BMPR1B: variants seen among roughly 807,000 people sequenced by gnomAD.
BMPR1B encodes bone morphogenetic protein receptor type-1B.
A neutral mutation model predicts 59.1 loss-of-function variants in BMPR1B; 12 were observed. The ratio of observed to expected loss-of-function variants is 0.20; its 90% CI spans 0.13 to 0.33. The LOEUF is 0.33. Among genes scored for constraint, BMPR1B ranks in the 10% least tolerant of loss-of-function variants. The pLI is 1.00. For synonymous variants in BMPR1B, 237 were observed against 207.3 expected (o/e 1.14, Z -1.23); for missense variants, 550 against 610.9 (o/e 0.90, Z 1.05).
intron 2 of BMPR1B, among the ~76,000 whole-genome samples, chr4:94,888,224 C>T (rs544492130): frequency 9.2e-5 from 14 of 151,922 alleles, no homozygotes; most frequent in Non-Finnish European, 1.6e-4. Context: ...TCAATTCTTC[C>T]TGAGGAATCT....
intron 4 of BMPR1B, among the ~76,000 whole-genome samples, chr4:95,114,222 G>GTA (rs1731839089): frequency 1.3e-5 from 2 of 152,112 alleles, no homozygotes; most frequent in South Asian, 4.1e-4. Flanking sequence ...AGCAAGAACA[G>GTA]TATAAACAGT....
chr4:94,928,119 A>G (rs949201254), intron 2 of BMPR1B, among the ~76,000 whole-genome samples: 2 of 151,752 alleles, frequency 1.3e-5, no homozygotes, highest in African/African-American at 4.8e-5. Flanking sequence ...AAATGATTAA[A>G]TATGTGTATG....
chr4:94,865,530 A>G (rs1201654172), intron 1 of BMPR1B, among the ~76,000 whole-genome samples: 1 of 152,030 alleles, frequency 6.6e-6, no homozygotes, highest in Non-Finnish European at 1.5e-5. Context: ...AGCTGGAATT[A>G]CAGGCGCTCG....
intron 3 of BMPR1B, among the ~76,000 whole-genome samples, chr4:95,011,304 T>A (rs576230522): frequency 2.0e-5 from 3 of 152,320 alleles, no homozygotes; most frequent in Admixed American, 2.0e-4. Flanking sequence ...CTCCCGCTTA[T>A]AAGTGAGAAC....
intron 2 of BMPR1B, among the ~76,000 whole-genome samples, chr4:94,888,876 T>C (rs1048968029): frequency 4.6e-5 from 7 of 152,090 alleles, no homozygotes; most frequent in African/African-American, 1.7e-4. Flanking sequence ...CATAATGATA[T>C]ATCTCCAAGG....
intron 2 of BMPR1B, among the ~76,000 whole-genome samples, chr4:94,883,934 C>T (rs947230992): frequency 1.3e-5 from 2 of 152,128 alleles, no homozygotes; most frequent in African/African-American, 2.4e-5. Flanking sequence ...CTCAATTCCA[C>T]CCCTAGCTAG....
At chr4:95,018,038 A>G (rs1214800513) in intron 3 of BMPR1B, among the ~76,000 whole-genome samples, 3 of 152,212 alleles carry the variant, frequency 2.0e-5, no homozygotes, top group African/African-American at 7.2e-5. Flanking sequence ...AGAAGCGATA[A>G]TACTATCTTT....
chr4:94,804,981 TAGCC>T (rs1342946648), intron 1 of BMPR1B, among the ~76,000 whole-genome samples: 2 of 152,190 alleles, frequency 1.3e-5, no homozygotes, highest in Non-Finnish European at 2.9e-5. Context: ...TAGACAGAAA[TAGCC>T]AGGATGTACA....
intron 2 of BMPR1B, among the ~76,000 whole-genome samples, chr4:94,879,792 G>A (rs1224950071): frequency 1.3e-5 from 2 of 151,788 alleles, no homozygotes; most frequent in South Asian, 2.1e-4. Context: ...TCATTAAATT[G>A]GTGTGCATAT....
At chr4:94,758,612 G>C (rs1002939508) in intron 1 of BMPR1B, among the ~76,000 whole-genome samples, 1 of 152,128 alleles carries the variant, frequency 6.6e-6, no homozygotes, top group Non-Finnish European at 1.5e-5. Context: ...CTTGCCGTGG[G>C]GGAAAGTGCG....
intron 3 of BMPR1B, among the ~76,000 whole-genome samples, chr4:95,085,960 T>C (rs557813173): frequency 1.3e-5 from 2 of 151,290 alleles, no homozygotes; most frequent in African/African-American, 2.4e-5. Flanking sequence ...CTGTTGACCC[T>C]CACTGTGGAC....
At chr4:94,988,146 A>G (rs971899392) in intron 2 of BMPR1B, among the ~76,000 whole-genome samples, 1 of 152,098 alleles carries the variant, frequency 6.6e-6, no homozygotes, top group Admixed American at 6.5e-5. Flanking sequence ...AATGCTTGAA[A>G]TTATATTGCG....
chr4:95,069,966 G>A (rs549199603), intron 3 of BMPR1B, among the ~76,000 whole-genome samples: 196 of 152,304 alleles, frequency 1.3e-3, no homozygotes, highest in African/African-American at 4.4e-3. Flanking sequence ...GGGCATGGTG[G>A]CACATGCCTG....
chr4:95,119,681 C>G lies in BMPR1B; in HGVS notation c.349+3894C>G, dbSNP rs1226427192. Reference sequence around the variant, plus strand: ...ATTTCTTAATTTATTCATATAATAACTGCTTTAGTAGCCTCTCATTTAGTG... The same window carrying G: ...ATTTCTTAATTTATTCATATAATAAGTGCTTTAGTAGCCTCTCATTTAGTG... On this transcript the variant is annotated intron_variant, in intron 6 of 12. Transcript: ENST00000515059. Among the ~76,000 whole-genome samples, 5 of 152,264 alleles carry G rather than the reference C, an allele frequency of 3.3e-5. No homozygotes were observed. The East Asian group carries it at 9.7e-4, about 29-fold the overall frequency.
At chr4:94,941,075 A>C (rs1400869987) in intron 2 of BMPR1B, among the ~76,000 whole-genome samples, 1 of 152,208 alleles carries the variant, frequency 6.6e-6, no homozygotes, top group Non-Finnish European at 1.5e-5. Flanking sequence ...TTCTTTCTCC[A>C]TGTGCCTTCT....
intron 4 of BMPR1B, among the ~76,000 whole-genome samples, chr4:95,107,071 A>G (rs1731246198): frequency 6.6e-6 from 1 of 152,070 alleles, no homozygotes; most frequent in Non-Finnish European, 1.5e-5. Context: ...TCAAGGTCAC[A>G]GTCAAGGGGA....
intron 3 of BMPR1B, among the ~76,000 whole-genome samples, chr4:95,058,308 A>G (rs376560453): frequency 4.6e-5 from 7 of 152,162 alleles, no homozygotes; most frequent in African/African-American, 1.4e-4. Context: ...GTACATTTCA[A>G]ATTTACTTTT....
At chr4:94,764,333 T>C (rs1721884690) in intron 1 of BMPR1B, among the ~76,000 whole-genome samples, 1 of 152,168 alleles carries the variant, frequency 6.6e-6, no homozygotes, top group South Asian at 2.1e-4. Flanking sequence ...TGAGATCAGT[T>C]TGGGCTGCCT....
intron 7 of BMPR1B, 47 bp downstream of exon 7, chr4:95,123,953 T>A: frequency 7.6e-7 from 1 of 1,310,338 alleles, no homozygotes; most frequent in Non-Finnish European, 1.1e-6. Flanking sequence ...TATAGTGTCT[T>A]CTTTTTACTA....
Sources: allele counts gnomAD v4.1 joint callset (sites outside exome capture counted in the v4.1 genomes callset), GRCh38; gene constraint gnomAD v4.1.1; transcripts MANE v1.5; gene names NCBI Gene and HGNC (gene_info 2026-07-23, HGNC 2026-07-21).